SGCD: variants seen among roughly 807,000 people sequenced by gnomAD.
SGCD encodes delta-sarcoglycan.
Under a neutral mutation model 36.6 loss-of-function variants are expected in SGCD, and 18 were observed. The observed-to-expected ratio is 0.49, with a 90% CI of 0.34 to 0.73. The LOEUF is 0.73. Ranked by LOEUF, SGCD falls within the 30% of genes least tolerant of loss-of-function variation. The pLI is 0.01. For synonymous variants in SGCD, 133 were observed against 130.6 expected (o/e 1.02, Z -0.12); for missense variants, 387 against 346.7 (o/e 1.12, Z -0.92).
intron 3 of SGCD, among the ~76,000 whole-genome samples, chr5:156,472,114 T>C (rs1454395883): frequency 6.6e-6 from 1 of 152,156 alleles, no homozygotes; most frequent in Non-Finnish European, 1.5e-5. Flanking sequence ...AAACCAAGTG[T>C]TGAGGATATG....
At chr5:156,193,515 C>G (rs183543666) in intron 3 of SGCD, among the ~76,000 whole-genome samples, 1 of 152,172 alleles carries the variant, frequency 6.6e-6, no homozygotes, top group Non-Finnish European at 1.5e-5. Context: ...TTCTGCACAG[C>G]TGATATGTCC....
At chr5:156,348,395 T>G (rs1302762238) in intron 3 of SGCD, among the ~76,000 whole-genome samples, 1 of 152,108 alleles carries the variant, frequency 6.6e-6, no homozygotes, top group Non-Finnish European at 1.5e-5. Flanking sequence ...TCTGATAAAC[T>G]AAATTCAGTA....
At chr5:156,281,832 T>G (rs1766460361) in intron 3 of SGCD, among the ~76,000 whole-genome samples, 2 of 152,286 alleles carry the variant, frequency 1.3e-5, no homozygotes, top group South Asian at 4.1e-4. Context: ...TTTCTCCATC[T>G]GATGCTTGAT....
chr5:156,175,046 G>C (rs1426891282), intron 3 of SGCD, among the ~76,000 whole-genome samples: 1 of 151,980 alleles, frequency 6.6e-6, no homozygotes. Flanking sequence ...GTAAGATTTA[G>C]TTATGAGGAG....
intron 3 of SGCD, among the ~76,000 whole-genome samples, chr5:156,295,251 T>C (rs1766864547): frequency 6.6e-6 from 1 of 152,200 alleles, no homozygotes; most frequent in African/African-American, 2.4e-5. Context: ...GTCATCTAAT[T>C]TGTTGGTGTA....
intron 3 of SGCD, among the ~76,000 whole-genome samples, chr5:156,138,450 G>A (rs1004116968): frequency 4.6e-5 from 7 of 152,146 alleles, no homozygotes; most frequent in Non-Finnish European, 8.8e-5. Flanking sequence ...ATGGTCTTAT[G>A]GGATATATTC....
chr5:156,735,952 A>G (rs1015591280), intron 7 of SGCD, among the ~76,000 whole-genome samples: 1 of 152,156 alleles, frequency 6.6e-6, no homozygotes, highest in African/African-American at 2.4e-5. Flanking sequence ...GGGTTTATGA[A>G]GGGATCTACT....
intron 4 of SGCD, among the ~76,000 whole-genome samples, chr5:156,531,096 A>G (rs1293562004): frequency 6.6e-6 from 1 of 152,138 alleles, no homozygotes; most frequent in Non-Finnish European, 1.5e-5. Flanking sequence ...TCCCTCATGA[A>G]TGGGATTAAT....
chr5:156,433,183 C>G (rs989671718), intron 3 of SGCD, among the ~76,000 whole-genome samples: 6 of 152,118 alleles, frequency 3.9e-5, no homozygotes, highest in Admixed American at 3.3e-4. Flanking sequence ...CTTTTCTGGT[C>G]GAGAAAGAAC....
intron 6 of SGCD, among the ~76,000 whole-genome samples, chr5:156,607,870 T>G (rs111292694): frequency 2.0e-5 from 3 of 152,348 alleles, no homozygotes; most frequent in African/African-American, 7.2e-5. Flanking sequence ...TAGTTTGTAT[T>G]TCTGTTGGAT....
intron 3 of SGCD, among the ~76,000 whole-genome samples, chr5:156,177,007 TA>T (rs1348945618): frequency 1.3e-5 from 2 of 152,172 alleles, no homozygotes; most frequent in African/African-American, 4.8e-5. Context: ...TTTTATTTTT[TA>T]TTTATTTTTT....
intron 6 of SGCD, among the ~76,000 whole-genome samples, chr5:156,625,930 C>T (rs1311283974): frequency 6.6e-6 from 1 of 151,846 alleles, no homozygotes; most frequent in Non-Finnish European, 1.5e-5. Context: ...CACACTAGGG[C>T]CAAACAGTGA....
At chr5:156,288,346 C>T (rs1766669969) in intron 3 of SGCD, among the ~76,000 whole-genome samples, 1 of 152,088 alleles carries the variant, frequency 6.6e-6, no homozygotes, top group Non-Finnish European at 1.5e-5. Flanking sequence ...CCATAAGGGC[C>T]GCTTTCTCTT....
chr5:156,108,285 C>T (rs930858572), intron 1 of SGCD, among the ~76,000 whole-genome samples: 1 of 152,056 alleles, frequency 6.6e-6, no homozygotes, highest in Non-Finnish European at 1.5e-5. Context: ...TACCTAATGG[C>T]AGTAAAGTAT....
intron 1 of SGCD, among the ~76,000 whole-genome samples, chr5:155,978,911 CTACT>C: frequency 6.6e-6 from 1 of 151,922 alleles, no homozygotes; most frequent in Non-Finnish European, 1.5e-5. Flanking sequence ...AAGAAAATCA[CTACT>C]TAAAGATCTG....
At chr5:156,506,192 G>A (rs943544287) in intron 3 of SGCD, among the ~76,000 whole-genome samples, 1 of 152,100 alleles carries the variant, frequency 6.6e-6, no homozygotes. Flanking sequence ...TGTGTTGTGA[G>A]TTAAATGAAT....
At chr5:155,790,261 G>A in the SGCD span, among the ~76,000 whole-genome samples, 37 of 152,184 alleles carry the variant, frequency 2.4e-4, no homozygotes, top group African/African-American at 8.4e-4. Flanking sequence ...AGAAAAGTTA[G>A]AAAGTTACCC....
At chr5:156,224,599 C>G (rs1023854927) in intron 3 of SGCD, among the ~76,000 whole-genome samples, 2 of 152,108 alleles carry the variant, frequency 1.3e-5, no homozygotes, top group Non-Finnish European at 2.9e-5. Context: ...TTTGATGTTA[C>G]TAGTCTATCT....
At chr5:156,153,621 G>A (rs1230403312) in intron 3 of SGCD, among the ~76,000 whole-genome samples, 1 of 151,534 alleles carries the variant, frequency 6.6e-6, no homozygotes, top group Non-Finnish European at 1.5e-5. Context: ...TATACCAAAG[G>A]GTAAGAAGAA....
Sources: gnomAD v4.1 joint callset for allele counts (sites outside exome capture counted in the v4.1 genomes callset) on GRCh38, gnomAD v4.1.1 for gene constraint, MANE v1.5 for transcripts, NCBI Gene and HGNC (gene_info 2026-07-23, HGNC 2026-07-21) for gene names.